Variants in GALNT15 observed in about 807,000 individuals in gnomAD.
GALNT15 encodes the protein UDP-GalNAc transferase T15.
Under a neutral mutation model 66.8 loss-of-function variants are expected in GALNT15, and 67 were observed. The ratio of observed to expected loss-of-function variants is 1.00; its 90% confidence interval spans 0.82 to 1.23. The LOEUF (loss-of-function observed/expected upper bound fraction) is 1.23. GALNT15 is among the 50% of genes most tolerant of loss of function. The probability of loss-of-function intolerance (pLI) is 0.00; values close to 1 mark genes in which losing one functional copy is unlikely to be tolerated. For missense variants in GALNT15, 827 were observed against 804.3 expected, an observed-to-expected ratio of 1.03 and a Z score of -0.34; for synonymous variants, 313 against 311.5, an observed-to-expected ratio of 1.00 and a Z score of -0.05.
rs1164976010 is a variant in GALNT15, at chr3:16,203,543, TCACACACA to T, written c.911+2759_911+2766del. Among the ~76,000 whole-genome samples the T allele has an allele frequency of 3.8e-3, 233 of 61,144 alleles. 1 individual carries two copies. Among genetic ancestry groups the T allele is most frequent in the African/African-American group, 0.011 (201 of 18,300 alleles). 40.1% of individuals were successfully genotyped at this position (61,144 alleles called of 152,430 possible). On this transcript the variant is annotated intron_variant, in intron 3 of 9. Transcript: ENST00000339732. The surrounding 1 kb of genome is among the most constrained non-coding windows in gnomAD (Gnocchi z 6.2). ...CATTCTCTCTCTCTCTCTCTCTCTCTCACACACACACACACACACACACACACACACAC... is the reference window on the plus strand; with the variant it reads ...CATTCTCTCTCTCTCTCTCTCTCTCTCACACACACACACACACACACACAC...
chr3:16,175,284 A>G lies in GALNT15; in HGVS notation c.133A>G (p.Thr45Ala). 1 of 1,614,142 alleles carries G rather than the reference A, an allele frequency of 6.2e-7. No individual in the cohort carries two copies. Among genetic ancestry groups the G allele is most frequent in the Non-Finnish European group, 8.5e-7 (1 of 1,180,030 alleles). The change falls in exon 1 of 10, where the codon ACA becomes GCA. Residue 45 changes from threonine (T) to alanine (A), a missense_variant. Transcript: ENST00000339732. This position sits in a 1 kb window ranked among gnomAD's most constrained non-coding sequence, Gnocchi z 5.6. The part of the protein sequence containing the change: ...PPHHTLHQTV[T>A]AQASKHSPEA... ...CCACCACACCCTGCACCAGACTGTC[A>G]CAGCCCAAGCCAGCAAGCACAGCCC...
At chr3:16,220,138 A>G in intron 8 of GALNT15, 124 bp downstream of exon 8, 2 of 741,234 alleles carry the variant, frequency 2.7e-6, no homozygotes, top group Admixed American at 4.0e-5. Context: ...ATGTCCCTTG[A>G]CTGCCATGGT....
intron 1 of GALNT15, among the ~76,000 whole-genome samples, chr3:16,179,154 T>C (rs970063128): frequency 2.0e-5 from 3 of 152,180 alleles, no homozygotes; most frequent in Non-Finnish European, 4.4e-5. Flanking sequence ...AAAATTACAG[T>C]GAACATTTAT....
chr3:16,219,357 G>T lies in GALNT15; in HGVS notation c.1393-46G>T. On this transcript the variant is annotated intron_variant, in intron 6 of 9. Transcript: ENST00000339732. The surrounding 1 kb of genome is among the most constrained non-coding windows in gnomAD (Gnocchi z 4.3). The stretch of plus-strand genomic sequence containing the variant: ...CCATCCCCAACCATGTGAATTCTGG[G>T]CAAGACAAGCTTTCATCATCCTGCT... 1 of 1,605,672 alleles carries T rather than the reference G, an allele frequency of 6.2e-7. No homozygotes were observed.
intron 8 of GALNT15, 144 bp from the exon 9 acceptor site, chr3:16,222,471 C>A: frequency 1.0e-6 from 1 of 952,588 alleles, no homozygotes; most frequent in South Asian, 1.6e-5. Flanking sequence ...TTGGACTTGA[C>A]CATGAGATAT....
chr3:16,228,510 G>A lies in GALNT15; in HGVS notation c.*1010G>A, dbSNP rs562555598. The A allele has an allele frequency of 2.9e-5, 16 of 545,190 alleles. No individual in the cohort carries two copies. Among genetic ancestry groups the A allele is most frequent in the South Asian group, 1.6e-4 (2 of 12,416 alleles). 33.8% of individuals were successfully genotyped at this position (545,190 alleles called of 1,614,324 possible). A position where few individuals can be genotyped will look rare whatever the true frequency, so the allele number is the denominator to read the frequency against. On this transcript the variant is annotated 3_prime_UTR_variant, in exon 10 of 10. Coordinates refer to ENST00000339732, the MANE Select transcript of GALNT15 (RefSeq NM_054110.5). ...ACAAAAATTAGCTGGGCATGGTGGC[G>A]CATACCTGTAATCCCAGCTACTTGG...
chr3:16,222,626 C>T lies in GALNT15; in HGVS notation c.1641C>T (p.His547=). The T allele has an allele frequency of 6.2e-7, 1 of 1,614,210 alleles. No homozygotes were observed. Among genetic ancestry groups the T allele is most frequent in the East Asian group, 2.2e-5 (1 of 44,878 alleles). Residue 547 remains histidine, a synonymous_variant, in exon 9 of 10, where the codon CAC becomes CAT. Coordinates refer to ENST00000339732, the MANE Select transcript of GALNT15 (RefSeq NM_054110.5). The part of the protein sequence containing the change: ...SDSRQQQYLQ[H]TSRKEIHFGS... ...TGCTTCTGTCACAGTACCTGCAGCA[C>T]ACCAGCAGGAAGGAGATTCACTTTG... is the stretch of plus-strand genomic sequence containing the variant.
At position 16,195,475 on chromosome 3, in the gene GALNT15, G is replaced by A. The variant is rs2063622116; in HGVS notation, c.540-285G>A. On this transcript the variant is annotated intron_variant, in intron 1 of 9. Coordinates refer to ENST00000339732, the MANE Select transcript of GALNT15 (RefSeq NM_054110.5). The surrounding 1 kb of genome is among the most constrained non-coding windows in gnomAD (Gnocchi z 4.6). ...TGTCATTCATTCTCATTTTACAGAT[G>A]AGGACAGTCATTTGCTGAGGATGAC... Among the ~76,000 whole-genome samples, 1 of 152,192 alleles carries A rather than the reference G, an allele frequency of 6.6e-6. No individual in the cohort carries two copies. The highest frequency in any genetic ancestry group is 1.5e-5 in the Non-Finnish European group (1 of 68,034).
At position 16,204,482 on chromosome 3, in the gene GALNT15, C is replaced by A. The variant is rs921547538; in HGVS notation, c.911+3659C>A. On this transcript the variant is annotated intron_variant, in intron 3 of 9. Coordinates refer to ENST00000339732, the MANE Select transcript of GALNT15 (RefSeq NM_054110.5). The surrounding 1 kb of genome is among the most constrained non-coding windows in gnomAD (Gnocchi z 4.5). ...TCCCTATGGGCAACTGATTTTAGGGCAGCCCTGGGAGATGCTGATTGATGG... is the reference window on the plus strand; with the variant it reads ...TCCCTATGGGCAACTGATTTTAGGGAAGCCCTGGGAGATGCTGATTGATGG... 2.0e-5 allele frequency among the ~76,000 whole-genome samples: 3 copies of A among 152,258 alleles called. No individual in the cohort carries two copies. Among genetic ancestry groups the A allele is most frequent in the East Asian group, 1.9e-4 (1 of 5,166 alleles).
intron 3 of GALNT15, among the ~76,000 whole-genome samples, chr3:16,201,424 G>A (rs574321041): frequency 8.5e-5 from 13 of 152,048 alleles, no homozygotes; most frequent in South Asian, 6.2e-4. Context: ...TTCGTGATCC[G>A]CCCTCCTCAG....
rs1046961084 is a variant in GALNT15 at position 16,207,182 on chromosome 3, C to G, written c.912-1321C>G. ...GCAGATAATGAAATCATGGGGCCACCCTGGCTCTATCCAAGACAATGGAAC... is the reference window on the plus strand; with the variant it reads ...GCAGATAATGAAATCATGGGGCCACGCTGGCTCTATCCAAGACAATGGAAC... On this transcript the variant is annotated intron_variant, in intron 3 of 9. Transcript: ENST00000339732. 2.0e-5 allele frequency among the ~76,000 whole-genome samples: 3 copies of G among 152,146 alleles called. No homozygotes were observed. In the East Asian group the frequency reaches 5.8e-4, roughly 29 times the overall value.
Position 16,203,839 on chromosome 3 carries a change from G to A in GALNT15, c.911+3016G>A, listed in dbSNP as rs2063729496. Reference sequence around the variant, plus strand: ...GGCAACGCTCTATGAGCTGTGGCAGGGAGAGCAGCCTCATTCAGTGTGTGC... The same window carrying A: ...GGCAACGCTCTATGAGCTGTGGCAGAGAGAGCAGCCTCATTCAGTGTGTGC... On this transcript the variant is annotated intron_variant, in intron 3 of 9. Transcript: ENST00000339732. The surrounding 1 kb of genome is among the most constrained non-coding windows in gnomAD (Gnocchi z 6.2). Among the ~76,000 whole-genome samples the A allele has an allele frequency of 6.6e-6, 1 of 152,098 alleles. No individual in the cohort carries two copies. The highest frequency in any genetic ancestry group is 1.5e-5 in the Non-Finnish European group (1 of 68,028).
Position 16,180,524 on chromosome 3 carries a change from G to A in GALNT15, c.539+4834G>A, listed in dbSNP as rs1342103642. Among the ~76,000 whole-genome samples the A allele has an allele frequency of 6.6e-6, 1 of 152,014 alleles. No individual in the cohort carries two copies. The highest frequency in any genetic ancestry group is 1.5e-5 in the Non-Finnish European group (1 of 68,032). ...ACCCCCCTATATTGCTTGTTAAAAA[G>A]ACGTAGATGTTCAGACCCCCTCACT... On this transcript the variant is annotated intron_variant, in intron 1 of 9. Coordinates refer to ENST00000339732, the MANE Select transcript of GALNT15 (RefSeq NM_054110.5). The surrounding 1 kb of genome is among the most constrained non-coding windows in gnomAD (Gnocchi z 5.0).
chr3:16,239,010 C>T, the GALNT15 span, among the ~76,000 whole-genome samples: 1 of 152,164 alleles, frequency 6.6e-6, no homozygotes, highest in East Asian at 1.9e-4. This position sits in a 1 kb window ranked among gnomAD's most constrained non-coding sequence, Gnocchi z 5.2. Flanking sequence ...TTCCTGTTGG[C>T]TTTTGATCCT....
intron 1 of GALNT15, among the ~76,000 whole-genome samples, chr3:16,178,833 G>A (rs113586013): frequency 6.6e-6 from 1 of 152,204 alleles, no homozygotes; most frequent in African/African-American, 2.4e-5. Flanking sequence ...AGGACATCAG[G>A]AGCCTGTGCC....
intron 1 of GALNT15, among the ~76,000 whole-genome samples, chr3:16,185,103 A>G (rs1402822663): frequency 1.3e-5 from 2 of 152,238 alleles, no homozygotes; most frequent in Non-Finnish European, 2.9e-5. Context: ...TGTCTATTTC[A>G]TTCATCTTTC....
At chr3:16,245,668 A>G in the GALNT15 span, among the ~76,000 whole-genome samples, 4 of 152,234 alleles carry the variant, frequency 2.6e-5, no homozygotes, top group African/African-American at 9.6e-5. Flanking sequence ...GCATCACATG[A>G]AATTGAAGGA....
downstream of GALNT15, among the ~76,000 whole-genome samples, chr3:16,236,104 CAAAAAAAAAAAAAA>C (rs558670542): frequency 4.3e-5 from 1 of 23,400 alleles, no homozygotes; most frequent in Non-Finnish European, 8.6e-5. Flanking sequence ...GACTATGTCT[CAAAAAAAAAAAAAA>C]AAAAAAAAAA....
In GALNT15 at chr3:16,195,528, G is replaced by A. The variant is rs1435153694; in HGVS notation, c.540-232G>A. On this transcript the variant is annotated intron_variant, in intron 1 of 9. Coordinates refer to ENST00000339732, the MANE Select transcript of GALNT15 (RefSeq NM_054110.5). This position sits in a 1 kb window ranked among gnomAD's most constrained non-coding sequence, Gnocchi z 4.6. ...CAACGCTTCTCAATTGCAATGAGAG[G>A]GACTTTGGATTAAATGATAAAGGAG... Among the ~76,000 whole-genome samples, 1 of 152,174 alleles carries A rather than the reference G, an allele frequency of 6.6e-6. No homozygotes were observed. Among genetic ancestry groups the A allele is most frequent in the African/African-American group, 2.4e-5 (1 of 41,432 alleles).
Sources: allele counts gnomAD v4.1 joint callset (sites outside exome capture counted in the v4.1 genomes callset), GRCh38; gene constraint gnomAD v4.1.1; non-coding constraint Gnocchi (gnomAD v3.1); transcripts MANE v1.5; gene names NCBI Gene and HGNC (gene_info 2026-07-23, HGNC 2026-07-21).